The following TLE2 variants were observed in gnomAD, a reference collection of about 807,000 sequenced individuals.
The protein encoded by TLE2 is transducin-like enhancer protein 2.
In TLE2, 74 loss-of-function variants were observed where a neutral mutation model predicts 97.2. The ratio of observed to expected loss-of-function variants is 0.76; its 90% confidence interval spans 0.63 to 0.92. The LOEUF (loss-of-function observed/expected upper bound fraction) is 0.92. Among genes scored for constraint, TLE2 ranks in the 40% least tolerant of loss-of-function variants. TLE2 has a pLI of 0.00. For missense variants in TLE2, 1,038 were observed against 1,008.7 expected, an observed-to-expected ratio of 1.03 and a Z score of -0.39; for synonymous variants, 499 against 432.1, an observed-to-expected ratio of 1.15 and a Z score of -1.92.
At position 3,008,890 on chromosome 19, in the gene TLE2, G is replaced by C. The variant is rs1253355084; in HGVS notation, c.1229C>G (p.Pro410Arg). The change falls in exon 14 of 20, where the codon CCC (proline) becomes CGC (arginine). Residue 410 changes from proline (P) to arginine (R), a missense_variant. Transcript: ENST00000262953. Reference protein sequence around the residue: ...LRGSSVSSSLPSIPGGKPAYS... With the variant: ...LRGSSVSSSLRSIPGGKPAYS... The stretch of plus-strand genomic sequence containing the variant: ...TCACGGCTTTCCCCCAGGGATGCTG[G>C]GTAGGGAGGAAGAGACGGATGACCC... 3 of 1,592,524 alleles carry C rather than the reference G, an allele frequency of 1.9e-6. No individual in the cohort carries two copies. Among genetic ancestry groups the C allele is most frequent in the Non-Finnish European group, 2.6e-6 (3 of 1,169,654 alleles).
intron 1 of TLE2, among the ~76,000 whole-genome samples, chr19:3,043,901 T>C (rs2090123445): frequency 1.3e-5 from 2 of 151,156 alleles, no homozygotes; most frequent in Non-Finnish European, 3.0e-5. Context: ...GGAGAATTGC[T>C]TGAACCCAGG....
chr19:3,016,626 A>C (rs1001439865), intron 8 of TLE2, among the ~76,000 whole-genome samples: 1 of 151,642 alleles, frequency 6.6e-6, no homozygotes, highest in African/African-American at 2.4e-5. Flanking sequence ...TTTTTTGAAA[A>C]ACTTACTGAC....
In TLE2 at chr19:3,011,153, A is replaced by C; in HGVS notation, c.881T>G (p.Leu294Arg). ...PRAKELILND[L>R]PASTPASKSC... ...TTTGGAGGCAGGAGTGCTGGCGGGA[A>C]GGTCATTCTGCAGAGAAAGGGCAGG... The change falls in exon 12 of 20, where the codon CTT (leucine) becomes CGT (arginine). Residue 294 changes from leucine to arginine, a missense_variant. Transcript: ENST00000262953. 1 of 1,598,066 alleles carries C rather than the reference A, an allele frequency of 6.3e-7. No individual in the cohort carries two copies. Among genetic ancestry groups the C allele is most frequent in the African/African-American group, 1.3e-5 (1 of 74,628 alleles).
upstream of TLE2, among the ~76,000 whole-genome samples, chr19:3,046,447 A>C (rs2145241827): frequency 6.6e-6 from 1 of 151,910 alleles, no homozygotes; most frequent in South Asian, 2.1e-4. Context: ...CGGGCTGGGG[A>C]TGGGGAAGGG....
chr19:3,006,326 C>T (rs1210204132), intron 15 of TLE2, 94 bp downstream of exon 15: 4 of 1,512,890 alleles, frequency 2.6e-6, no homozygotes, highest in African/African-American at 2.7e-5. Flanking sequence ...CACCTGTAGC[C>T]CCACCCACGG....
At position 3,028,972 on chromosome 19, in the gene TLE2, G is replaced by A; in HGVS notation, c.-68C>T. On this transcript the variant is annotated 5_prime_UTR_variant, in exon 1 of 20. Transcript: ENST00000262953. The stretch of plus-strand genomic sequence containing the variant: ...TGATATGGAGGCGGCAAGAGTGGGG[G>A]AGGCTGAAGTGGGGTGGTGGGGAGG... 1 of 1,579,894 alleles carries A rather than the reference G, an allele frequency of 6.3e-7. No individual in the cohort carries two copies. Among genetic ancestry groups the A allele is most frequent in the Non-Finnish European group, 8.6e-7 (1 of 1,164,362 alleles).
rs182369708 is a variant in TLE2, at chr19:3,011,612, G to A, written c.874-452C>T. Reference sequence around the variant, plus strand: ...CGCCTGTAATCCCACCACTTTGGGAGGCCGAGGCCGGTGGATCACTTGAGG... The same window carrying A: ...CGCCTGTAATCCCACCACTTTGGGAAGCCGAGGCCGGTGGATCACTTGAGG... On this transcript the variant is annotated intron_variant, in intron 11 of 19. Transcript: ENST00000262953. Among the ~76,000 whole-genome samples, 243 of 151,882 alleles carry A rather than the reference G, an allele frequency of 1.6e-3. 1 individual carries two copies. The highest frequency in any genetic ancestry group is 5.6e-3 in the African/African-American group (232 of 41,390).
At chr19:3,013,892 C>G in intron 10 of TLE2, 74 bp from the exon 11 acceptor site, 1 of 1,320,640 alleles carries the variant, frequency 7.6e-7, no homozygotes, top group Non-Finnish European at 9.8e-7. Context: ...ATCCTCCTCC[C>G]GACTCCCACC....
At chr19:3,032,132 A>T (rs1195541127), upstream of TLE2, among the ~76,000 whole-genome samples, 1 of 151,670 alleles carries the variant, frequency 6.6e-6, no homozygotes, top group Non-Finnish European at 1.5e-5. The surrounding 1 kb of genome is among the most constrained non-coding windows in gnomAD (Gnocchi z 4.1). Context: ...CGGATTCACC[A>T]TGTTGGCCGG....
At chr19:3,044,688 G>A (rs1332109343) in intron 1 of TLE2, among the ~76,000 whole-genome samples, 2 of 152,182 alleles carry the variant, frequency 1.3e-5, no homozygotes, top group Non-Finnish European at 2.9e-5. Context: ...CCGAAGCGCT[G>A]GGATTACAGG....
Position 3,006,535 on chromosome 19 carries a change from G to A in TLE2, c.1385C>T (p.Ala462Val), listed in dbSNP as rs753283354. The A allele has an allele frequency of 1.9e-6, 3 of 1,606,648 alleles. No individual in the cohort carries two copies. The highest frequency in any genetic ancestry group is 3.4e-5 in the Admixed American group (2 of 59,072). The change falls in exon 15 of 20, where the codon GCG becomes GTG. Residue 462 changes from alanine (A) to valine (V), a missense_variant. Ala to Val is a moderately conservative substitution (Grantham distance 64, BLOSUM62 0). Transcript: ENST00000262953. ...HTLAHGEVVC[A>V]VTISGSTQHV... ...CTGTGTGGAGCCGCTGATGGTGACC[G>A]CGCAGACCACCTCGCCATGGGCCAG...
In TLE2 at chr19:3,019,807, T is replaced by C. The variant is rs371595177; in HGVS notation, c.295-34A>G. On this transcript the variant is annotated intron_variant, in intron 5 of 19. Transcript: ENST00000262953. This position sits in a 1 kb window ranked among gnomAD's most constrained non-coding sequence, Gnocchi z 5.1. Reference sequence around the variant, plus strand: ...TGGAAGGGATCAGGTAGAGGGTACATTGAGCCCCTGCTCATGCTAGCGGTG... The same window carrying C: ...TGGAAGGGATCAGGTAGAGGGTACACTGAGCCCCTGCTCATGCTAGCGGTG... 2.9e-5 allele frequency: 47 copies of C among 1,599,964 alleles called. No homozygotes were observed. Among genetic ancestry groups the C allele is most frequent in the South Asian group, 1.5e-4 (13 of 88,778 alleles).
chr19:3,001,650 A>T (rs2089362673), intron 18 of TLE2, among the ~76,000 whole-genome samples: 1 of 150,892 alleles, frequency 6.6e-6, no homozygotes, highest in South Asian at 2.1e-4. Context: ...TGGCTGTTTA[A>T]TTTTTTTGTA....
chr19:3,039,492 C>G (rs306049), intron 1 of TLE2, among the ~76,000 whole-genome samples: 27,665 of 152,052 alleles, frequency 0.18, 4,967 homozygotes, highest in African/African-American at 0.47. Context: ...CCACGGCCAG[C>G]CTTTCTCTTC....
chr19:3,043,927 T>C (rs980024669), intron 1 of TLE2, among the ~76,000 whole-genome samples: 3 of 152,116 alleles, frequency 2.0e-5, no homozygotes, highest in Non-Finnish European at 4.4e-5. Flanking sequence ...GAGGTTGCAG[T>C]GAGCCAAGAT....
chr19:2,999,760 C>T (rs183808450), intron 19 of TLE2, among the ~76,000 whole-genome samples: 5 of 142,144 alleles, frequency 3.5e-5, no homozygotes, highest in African/African-American at 1.3e-4. Flanking sequence ...CAGCTGGGCG[C>T]AGTGGCTCAC....
At position 3,009,557 on chromosome 19, in the gene TLE2, G is replaced by A. The variant is rs367997123; in HGVS notation, c.1158C>T (p.Tyr386=). The change falls in exon 13 of 20, where the codon TAC becomes TAT. Residue 386 remains tyrosine, a synonymous_variant. Coordinates refer to ENST00000262953, the MANE Select transcript of TLE2 (RefSeq NM_003260.5). ...LSPQVSSSVV[Y]GRSPVMAFES... is the part of the protein sequence containing the mutation. ...AAGGACTCACCACGGGGGAGCGTCC[G>A]TACACCACAGAGCTGCTGACCTGGG... The A allele has an allele frequency of 2.7e-5, 43 of 1,611,434 alleles. No individual in the cohort carries two copies. The highest frequency in any genetic ancestry group is 3.2e-5 in the Non-Finnish European group (38 of 1,178,960).
intron 1 of TLE2, among the ~76,000 whole-genome samples, chr19:3,042,270 C>G (rs1456818304): frequency 1.2e-5 from 1 of 86,516 alleles, no homozygotes; most frequent in African/African-American, 4.6e-5. Context: ...GGAGGGGACC[C>G]TGTGGAGGGG....
At chr19:3,036,655 A>G (rs2090065409) in intron 1 of TLE2, among the ~76,000 whole-genome samples, 1 of 152,238 alleles carries the variant, frequency 6.6e-6, no homozygotes, top group Non-Finnish European at 1.5e-5. Context: ...CCACCCAGGA[A>G]CATGAGGAGC....
Sources: gnomAD v4.1 joint callset for allele counts (sites outside exome capture counted in the v4.1 genomes callset) on GRCh38, gnomAD v4.1.1 for gene constraint, Gnocchi (gnomAD v3.1) non-coding constraint, MANE v1.5 for transcripts, NCBI Gene and HGNC (gene_info 2026-07-23, HGNC 2026-07-21) for gene names.